Variants in PNKP observed in about 807,000 individuals in gnomAD.
PNKP encodes polynucleotide kinase 3'-phosphatase.
PNKP carries 82 observed loss-of-function variants against 66.2 expected under a neutral mutation model. That is an observed-to-expected ratio of 1.24 (90% confidence interval 1.04 to 1.49). The LOEUF is 1.49. Ranked by LOEUF, PNKP falls within the 40% of genes most tolerant of loss-of-function variation. The pLI is 0.00. For missense variants in PNKP, 907 were observed against 706.8 expected, an observed-to-expected ratio of 1.28 and a Z score of -3.21; for synonymous variants, 412 against 298.9, an observed-to-expected ratio of 1.38 and a Z score of -3.90.
In PNKP at chr19:49,864,236, C is replaced by G; in HGVS notation, c.579G>C (p.Arg193Ser). Residue 193 changes from arginine (R) to serine (S), a missense_variant and splice_region_variant, in exon 6 of 17, where the codon AGG (arginine) becomes AGC (serine). Arg to Ser is a moderately radical substitution (Grantham distance 110). Transcript: ENST00000322344. ...TACGGGGAATCTCTGGGTACAAGAT[C>G]CTACGGCAGGTATGAAGCGGCAGGG... ...KVFPTGPSDW[R>S]ILYPEIPRKL... 6.2e-7 allele frequency: 1 copy of G among 1,614,152 alleles called. No individual in the cohort carries two copies. The highest frequency in any genetic ancestry group is 8.5e-7 in the Non-Finnish European group (1 of 1,180,010).
chr19:49,864,165 G>T lies in PNKP; in HGVS notation c.636+14C>A. 6.2e-7 allele frequency: 1 copy of T among 1,612,690 alleles called. No homozygotes were observed. On this transcript the variant is annotated intron_variant, in intron 6 of 16. Transcript: ENST00000322344. Reference sequence around the variant, plus strand: ...CACGTGCACGTGCCCATGCAGACAGGCGGCTGCACATACCTTGTAGCCCTC... The same window carrying T: ...CACGTGCACGTGCCCATGCAGACAGTCGGCTGCACATACCTTGTAGCCCTC...
Position 49,862,414 on chromosome 19 carries a change from A to C in PNKP, c.986T>G (p.Leu329Arg). 1 of 1,556,416 alleles carries C rather than the reference A, an allele frequency of 6.4e-7. No homozygotes were observed. ...LPFATPEEFF[L>R]KWPAAGFELP... ...CTCGAAGCCGGCTGCTGGCCACTTGAGAAAGAACTCCTCAGGCGTGGCGAA... is the reference window on the plus strand; with the variant it reads ...CTCGAAGCCGGCTGCTGGCCACTTGCGAAAGAACTCCTCAGGCGTGGCGAA... Residue 329 changes from leucine to arginine, a missense_variant, in exon 11 of 17, where the codon CTC becomes CGC. Physicochemically the swap from Leu to Arg is moderately radical, Grantham distance 102 (BLOSUM62 -2). Coordinates refer to ENST00000322344, the MANE Select transcript of PNKP (RefSeq NM_007254.4).
intron 3 of PNKP, chr19:49,865,669 A>G (rs1009465336): frequency 5.8e-6 from 3 of 517,652 alleles, no homozygotes; most frequent in Non-Finnish European, 1.0e-5. Flanking sequence ...GCTGGAGTGC[A>G]GTGGTGCAAT....
chr19:49,863,543 A>G (rs1188766853), intron 8 of PNKP, 146 bp downstream of exon 8: 4 of 663,216 alleles, frequency 6.0e-6, no homozygotes, highest in African/African-American at 5.4e-5. Context: ...TCGTAAACCA[A>G]CATCTAAGAT....
intron 2 of PNKP, chr19:49,866,768 A>G: frequency 1.7e-6 from 1 of 592,506 alleles, no homozygotes; most frequent in Admixed American, 2.9e-5. Flanking sequence ...CCACAGGATC[A>G]TTTTTCTCTT....
At position 49,865,188 on chromosome 19, in the gene PNKP, C is replaced by A. The variant is rs1280492005; in HGVS notation, c.437G>T (p.Gly146Val). The A allele has an allele frequency of 6.2e-7, 1 of 1,614,226 alleles. No individual in the cohort carries two copies. The highest frequency in any genetic ancestry group is 8.5e-7 in the Non-Finnish European group (1 of 1,180,042). ...TAGCAACTTCTCCAAGTTCTCCCAG[C>A]CGGGGTTTGACTTCCGCATACGCTT... ...PKKRMRKSNP[G>V]WENLEKLLVF... is the part of the protein sequence containing the mutation. The change falls in exon 4 of 17, where the codon GGC becomes GTC. Residue 146 changes from glycine (G) to valine (V), a missense_variant. Physicochemically the swap from Gly to Val is moderately radical, Grantham distance 109. Transcript: ENST00000322344.
intron 2 of PNKP, 200 bp from the exon 3 acceptor site, chr19:49,866,645 G>A: frequency 1.5e-6 from 1 of 682,108 alleles, no homozygotes; most frequent in African/African-American, 1.8e-5. Flanking sequence ...AAGGGACAGG[G>A]AGGTACTTTT....
intron 4 of PNKP, among the ~76,000 whole-genome samples, chr19:49,864,914 C>A (rs1485854027): frequency 6.6e-6 from 1 of 152,230 alleles, no homozygotes; most frequent in Non-Finnish European, 1.5e-5. Context: ...CAGTCATGGT[C>A]ATTGCTGATT....
At position 49,862,747 on chromosome 19, in the gene PNKP, G is replaced by C; in HGVS notation, c.817-9C>G. 6.2e-7 allele frequency: 1 copy of C among 1,614,048 alleles called. No individual in the cohort carries two copies. ...GGCGTGCCGTCGTTGGCCTACGGGAGACGGTAGTGAGGAGGCCCTTCCCAC... is the reference window on the plus strand; with the variant it reads ...GGCGTGCCGTCGTTGGCCTACGGGACACGGTAGTGAGGAGGCCCTTCCCAC... On this transcript the variant is annotated splice_polypyrimidine_tract_variant and intron_variant, in intron 8 of 16. Transcript: ENST00000322344.
chr19:49,863,772 A>T lies in PNKP; in HGVS notation c.745-12T>A. On this transcript the variant is annotated splice_polypyrimidine_tract_variant and intron_variant, in intron 7 of 16. Coordinates refer to ENST00000322344, the MANE Select transcript of PNKP (RefSeq NM_007254.4). The stretch of plus-strand genomic sequence containing the variant: ...GTGGCCACCAGCACCTGTGGATGGG[A>T]GGGGGCCACCAGCTTTAGCTCCCCC... 1 of 1,556,080 alleles carries T rather than the reference A, an allele frequency of 6.4e-7. No homozygotes were observed. The highest frequency in any genetic ancestry group is 8.7e-7 in the Non-Finnish European group (1 of 1,149,082).
At chr19:49,865,044 G>T in intron 4 of PNKP, 83 bp downstream of exon 4, 1 of 1,147,644 alleles carries the variant, frequency 8.7e-7, no homozygotes. Flanking sequence ...GTAAGTAGAG[G>T]CTAAAAAGTT....
At position 49,865,437 on chromosome 19, in the gene PNKP, A is replaced by C; in HGVS notation, c.199-11T>G. On this transcript the variant is annotated splice_polypyrimidine_tract_variant and intron_variant, in intron 3 of 16. Coordinates refer to ENST00000322344, the MANE Select transcript of PNKP (RefSeq NM_007254.4). Reference sequence around the variant, plus strand: ...GGGGTTAACTCCCAGCTGCAGAAAGAGAGGGAGGAGCTGGGACTGGCTCCG... The same window carrying C: ...GGGGTTAACTCCCAGCTGCAGAAAGCGAGGGAGGAGCTGGGACTGGCTCCG... 1 of 1,588,110 alleles carries C rather than the reference A, an allele frequency of 6.3e-7. No individual in the cohort carries two copies.
In PNKP at chr19:49,861,234, GA is replaced by G; in HGVS notation, c.*13del. 6.6e-7 allele frequency: 1 copy of G among 1,517,682 alleles called. No homozygotes were observed. The highest frequency in any genetic ancestry group is 9.2e-7 in the Non-Finnish European group (1 of 1,092,640). 94.0% of individuals were successfully genotyped at this position (1,517,682 alleles called of 1,614,324 possible). A position where few individuals can be genotyped will look rare whatever the true frequency, so the allele number is the denominator to read the frequency against. On this transcript the variant is annotated 3_prime_UTR_variant, in exon 17 of 17. Transcript: ENST00000322344. ...GAGAAACAGCGTTTATTGTGGAGGG[GA>G]GCTGGGCGGGGCTCAGCCCTCGGAG... is the stretch of plus-strand genomic sequence containing the variant.
In PNKP at chr19:49,862,412, TGAGA is replaced by T. The variant is rs2074781385; in HGVS notation, c.984_987del (p.Phe328LeufsTer33). The T allele has an allele frequency of 6.4e-7, 1 of 1,571,584 alleles. No individual in the cohort carries two copies. Among genetic ancestry groups the T allele is most frequent in the African/African-American group, 1.4e-5 (1 of 73,994 alleles). On this transcript the variant is annotated frameshift_variant, in exon 11 of 17. Transcript: ENST00000322344. LOFTEE classifies it high-confidence loss of function. ...AGCTCGAAGCCGGCTGCTGGCCACT[TGAGA>T]AAGAACTCCTCAGGCGTGGCGAAGG...
In PNKP at chr19:49,862,702, T is replaced by C. The variant is rs750224965; in HGVS notation, c.853A>G (p.Ile285Val). 1.2e-5 allele frequency: 20 copies of C among 1,613,962 alleles called. No individual in the cohort carries two copies. The highest frequency in any genetic ancestry group is 3.3e-5 in the Admixed American group (2 of 60,002). The change falls in exon 9 of 17, where the codon ATC becomes GTC. Residue 285 changes from isoleucine to valine, a missense_variant. By Grantham distance (29) the Ile-to-Val change is conservative. Transcript: ENST00000322344. ...DGTPISIGDSIFVGDAAGRPA... is the reference protein window; with the variant it reads ...DGTPISIGDSVFVGDAAGRPA... ...TCCAGGCCCTTACCTCCCACAAAGA[T>C]GCTGTCCCCGATGGATATGGGCGTG... is the stretch of plus-strand genomic sequence containing the variant.
intron 3 of PNKP, 23 bp from the exon 4 acceptor site, chr19:49,865,449 T>G: frequency 6.4e-7 from 1 of 1,557,334 alleles, no homozygotes; most frequent in Non-Finnish European, 8.7e-7. Flanking sequence ...AGGGAGGAGC[T>G]GGGACTGGCT....
rs761417360 is a variant in PNKP, at chr19:49,861,715, A to AAGGAGCC, written c.1299-21_1299-20insGGCTCCT. On this transcript the variant is annotated intron_variant, in intron 14 of 16. Coordinates refer to ENST00000322344, the MANE Select transcript of PNKP (RefSeq NM_007254.4). Reference sequence around the variant, plus strand: ...ACGTACCTGTGGGGGAAGGAGCTGGATGTGCAGGCCCCGCCCACCCCGCCG... The same window carrying AAGGAGCC: ...ACGTACCTGTGGGGGAAGGAGCTGGAAGGAGCCTGTGCAGGCCCCGCCCACCCCGCCG... The AAGGAGCC allele has an allele frequency of 8.4e-6, 13 of 1,548,706 alleles. No individual in the cohort carries two copies. In the South Asian group the frequency reaches 1.5e-4, roughly 18 times the overall value.
intron 3 of PNKP, chr19:49,865,951 C>A (rs1218165411): frequency 1.4e-5 from 4 of 284,364 alleles, no homozygotes; most frequent in Admixed American, 4.9e-5. Context: ...AGGTACCCAC[C>A]CCACTGAAAC....
At chr19:49,865,589 C>T in intron 3 of PNKP, 163 bp from the exon 4 acceptor site, 2 of 580,082 alleles carry the variant, frequency 3.4e-6, no homozygotes, top group Non-Finnish European at 6.1e-6. Context: ...AGGTTTTCAG[C>T]CTTGTCCGAA....
Sources: allele counts gnomAD v4.1 joint callset (sites outside exome capture counted in the v4.1 genomes callset), GRCh38; gene constraint gnomAD v4.1.1; transcripts MANE v1.5; gene names NCBI Gene and HGNC (gene_info 2026-07-23, HGNC 2026-07-21).